GPD2: variants seen among roughly 807,000 people sequenced by gnomAD.
The protein encoded by GPD2 is glycerol-3-phosphate dehydrogenase, mitochondrial.
In GPD2, 54 loss-of-function variants were observed where a neutral mutation model predicts 82.4. The observed-to-expected ratio is 0.66, with a 90% CI of 0.53 to 0.82. The LOEUF is 0.82. Among genes scored for constraint, GPD2 ranks in the 40% least tolerant of loss-of-function variants. GPD2 has a pLI of 0.00. For synonymous variants in GPD2, 288 were observed against 306.1 expected, an observed-to-expected ratio of 0.94 and a Z score of 0.62; for missense variants, 748 against 896.2, an observed-to-expected ratio of 0.83 and a Z score of 2.11.
chr2:156,449,564 T>C (rs1344981903), intron 1 of GPD2, among the ~76,000 whole-genome samples: 2 of 152,120 alleles, frequency 1.3e-5, no homozygotes, highest in South Asian at 4.1e-4. Context: ...AAGAAGCAAC[T>C]GTGGGTGATA....
In GPD2 at chr2:156,582,972, A is replaced by T; in HGVS notation, c.*54A>T. On this transcript the variant is annotated 3_prime_UTR_variant, in exon 17 of 17. Coordinates refer to ENST00000438166, the MANE Select transcript of GPD2 (RefSeq NM_000408.5). The stretch of plus-strand genomic sequence containing the variant: ...ACATAGAAACGACAAATCACCATGT[A>T]ACAACCAGAGATGACTGAAACCACT... 1 of 1,596,598 alleles carries T rather than the reference A, an allele frequency of 6.3e-7. No homozygotes were observed. Among genetic ancestry groups the T allele is most frequent in the South Asian group, 1.1e-5 (1 of 90,520 alleles).
chr2:156,400,511 G>A, the GPD2 span, among the ~76,000 whole-genome samples: 1 of 152,364 alleles, frequency 6.6e-6, no homozygotes, highest in African/African-American at 2.4e-5. Flanking sequence ...ATCCCTCCAG[G>A]ATCCCAGGCT....
chr2:156,491,952 A>G (rs1263405726), intron 2 of GPD2, among the ~76,000 whole-genome samples: 1 of 150,840 alleles, frequency 6.6e-6, no homozygotes, highest in African/African-American at 2.4e-5. Context: ...CCCGGGTGAC[A>G]GAGGTTGGAG....
Position 156,504,254 on chromosome 2 carries a change from GATA to G in GPD2, c.275-6538_275-6536del, listed in dbSNP as rs2105257935. 1.3e-5 allele frequency among the ~76,000 whole-genome samples: 2 copies of G among 152,182 alleles called. 1 individual carries two copies. The highest frequency in any genetic ancestry group is 4.1e-4 in the South Asian group (2 of 4,826). ...GGATTACTTTGCAGCTTTACAAGAG[GATA>G]ATATTTTAGAGGAATTGATCCTTCC... On this transcript the variant is annotated intron_variant, in intron 3 of 16. Coordinates refer to ENST00000438166, the MANE Select transcript of GPD2 (RefSeq NM_000408.5).
chr2:156,523,855 C>A (rs1429816481), intron 6 of GPD2, among the ~76,000 whole-genome samples: 1 of 152,140 alleles, frequency 6.6e-6, no homozygotes, highest in Non-Finnish European at 1.5e-5. Context: ...ACAATAATTT[C>A]TTAATATCAA....
At chr2:156,540,683 C>A (rs1322830007) in intron 6 of GPD2, among the ~76,000 whole-genome samples, 1 of 152,164 alleles carries the variant, frequency 6.6e-6, no homozygotes, top group African/African-American at 2.4e-5. Flanking sequence ...TTTAATAATT[C>A]TAATATTTTG....
chr2:156,578,425 G>T (rs755597345), intron 13 of GPD2, among the ~76,000 whole-genome samples: 25 of 151,072 alleles, frequency 1.7e-4, no homozygotes, highest in African/African-American at 2.2e-4. Context: ...AGATTTTGTC[G>T]GTCAGTTTCT....
chr2:156,452,815 T>C (rs937796869), intron 1 of GPD2, among the ~76,000 whole-genome samples: 3 of 152,128 alleles, frequency 2.0e-5, no homozygotes, highest in African/African-American at 4.8e-5. Context: ...AGTGTACAAA[T>C]AGAATGATTG....
At chr2:156,546,665 A>G (rs998247552) in intron 6 of GPD2, among the ~76,000 whole-genome samples, 4 of 152,172 alleles carry the variant, frequency 2.6e-5, no homozygotes, top group Non-Finnish European at 5.9e-5. Flanking sequence ...TTGGGAGCTA[A>G]TAATACCTGT....
At chr2:156,453,298 A>C (rs1169871932) in intron 1 of GPD2, among the ~76,000 whole-genome samples, 7 of 152,180 alleles carry the variant, frequency 4.6e-5, no homozygotes, top group African/African-American at 7.2e-5. Context: ...TGATGGACCT[A>C]ATTTAATTCT....
At chr2:156,451,428 C>T (rs1334933493) in intron 1 of GPD2, among the ~76,000 whole-genome samples, 5 of 132,430 alleles carry the variant, frequency 3.8e-5, no homozygotes, top group African/African-American at 1.4e-4. Context: ...GGCTGACCCC[C>T]CCACCTCCCT....
chr2:156,563,099 A>T (rs1687234802), intron 9 of GPD2, among the ~76,000 whole-genome samples: 1 of 152,160 alleles, frequency 6.6e-6, no homozygotes, highest in South Asian at 2.1e-4. Context: ...ATATATAGTC[A>T]CTAGAAACCT....
intron 6 of GPD2, 84 bp from the exon 7 acceptor site, chr2:156,549,524 A>G (rs1050542018): frequency 3.5e-5 from 41 of 1,164,650 alleles, no homozygotes; most frequent in Non-Finnish European, 4.0e-5. Flanking sequence ...CAGATGTGAC[A>G]TATCTGTTGT....
At chr2:156,582,770 C>A in intron 16 of GPD2, 23 bp from the exon 17 acceptor site, 1 of 1,611,878 alleles carries the variant, frequency 6.2e-7, no homozygotes, top group Non-Finnish European at 8.5e-7. Flanking sequence ...CGTTCTGAAT[C>A]TGTTGCATAT....
intron 3 of GPD2, among the ~76,000 whole-genome samples, chr2:156,502,422 A>G (rs770196466): frequency 6.6e-6 from 1 of 151,926 alleles, no homozygotes; most frequent in Non-Finnish European, 1.5e-5. Flanking sequence ...TTTTATTTCA[A>G]GTTTTGTTTT....
intron 6 of GPD2, among the ~76,000 whole-genome samples, chr2:156,547,048 G>A (rs1281193740): frequency 1.3e-5 from 2 of 152,126 alleles, no homozygotes; most frequent in South Asian, 2.1e-4. Context: ...TGAGACGTGG[G>A]AATTGTACAG....
chr2:156,434,000 TG>T (rs1558895509), upstream of GPD2, among the ~76,000 whole-genome samples: 1 of 152,100 alleles, frequency 6.6e-6, no homozygotes, highest in Non-Finnish European at 1.5e-5. Flanking sequence ...GATGAGGGTT[TG>T]AAAAAAATGA....
intron 14 of GPD2, 32 bp downstream of exon 14, chr2:156,579,033 T>C (rs762609048): frequency 2.4e-5 from 37 of 1,549,252 alleles, no homozygotes; most frequent in Middle Eastern, 3.4e-4. Context: ...CTATCTCTCT[T>C]TTTTTTTGGC....
chr2:156,532,499 C>G (rs1223394426), intron 6 of GPD2, among the ~76,000 whole-genome samples: 2 of 152,122 alleles, frequency 1.3e-5, no homozygotes, highest in Admixed American at 1.3e-4. Flanking sequence ...TCCTTGTTAC[C>G]TGCACTTTTT....
Sources: allele counts gnomAD v4.1 joint callset (sites outside exome capture counted in the v4.1 genomes callset), GRCh38; gene constraint gnomAD v4.1.1; transcripts MANE v1.5; gene names NCBI Gene and HGNC (gene_info 2026-07-23, HGNC 2026-07-21).